CNTNAP3B: variants seen among roughly 807,000 people sequenced by gnomAD.
CNTNAP3B encodes the protein contactin-associated protein-like 3B.
A neutral mutation model predicts 108.9 loss-of-function variants in CNTNAP3B; 25 were observed. That is an observed-to-expected ratio of 0.23 (90% CI 0.17 to 0.32). The LOEUF (loss-of-function observed/expected upper bound fraction) is 0.32. Ranked by LOEUF, CNTNAP3B falls within the 10% of genes least tolerant of loss-of-function variation. CNTNAP3B has a pLI of 1.00. For missense variants in CNTNAP3B, 252 were observed against 1,210.4 expected (o/e 0.21, Z 11.75); for synonymous variants, 103 against 473.4 (o/e 0.22, Z 10.16).
At chr9:42,026,459 C>T (rs1404781739) in intron 3 of CNTNAP3B, among the ~76,000 whole-genome samples, 2 of 88,694 alleles carry the variant, frequency 2.3e-5, no homozygotes, top group Admixed American at 1.2e-4. Flanking sequence ...TGGTGGCAGG[C>T]GCCTGCAGTC....
chr9:41,943,711 T>TAGA (rs1824435822), intron 13 of CNTNAP3B, among the ~76,000 whole-genome samples: 1 of 149,948 alleles, frequency 6.7e-6, no homozygotes, highest in Non-Finnish European at 1.5e-5. Flanking sequence ...ATACCAGAAG[T>TAGA]AGAAGGAAGA....
At chr9:41,972,469 G>T (rs1264059907) in intron 9 of CNTNAP3B, among the ~76,000 whole-genome samples, 1 of 134,258 alleles carries the variant, frequency 7.4e-6, no homozygotes, top group Non-Finnish European at 1.6e-5. Context: ...CTCCCTAAAA[G>T]TTCCATAAAA....
intron 2 of CNTNAP3B, among the ~76,000 whole-genome samples, chr9:42,086,801 G>T (rs1160375435): frequency 1.8e-5 from 2 of 109,316 alleles, no homozygotes; most frequent in African/African-American, 7.4e-5. Context: ...GAATTGCTAG[G>T]TTATATGGTA....
chr9:41,921,768 G>A (rs1169599149), intron 17 of CNTNAP3B, among the ~76,000 whole-genome samples: 1 of 151,756 alleles, frequency 6.6e-6, no homozygotes. Context: ...TTATAAACAA[G>A]GAGCCTGTGA....
Position 42,097,898 on chromosome 9 carries a change from C to G in CNTNAP3B, c.196+6731G>C, listed in dbSNP as rs1827942435. 2.2e-5 allele frequency among the ~76,000 whole-genome samples: 3 copies of G among 138,850 alleles called. 1 individual carries two copies. In the South Asian group the frequency reaches 7.0e-4, roughly 32 times the overall value. The allele number at this position is 138,850 out of a possible 152,430, so 91.1% of individuals were successfully genotyped here. A position where few individuals can be genotyped will look rare whatever the true frequency, so the allele number is the denominator to read the frequency against. ...TAGGGAAAGCTTCAAAAGTTGAAGT[C>G]CAATCATGGGACTTTCAAAATAATC... is the stretch of plus-strand genomic sequence containing the variant. On this transcript the variant is annotated intron_variant, in intron 2 of 23. Transcript: ENST00000377561.
rs1236668921 is a variant in CNTNAP3B at position 42,056,324 on chromosome 9, A to AT, written c.390+20544dup. On this transcript the variant is annotated intron_variant, in intron 3 of 23. Coordinates refer to ENST00000377561, the MANE Select transcript of CNTNAP3B (RefSeq NM_001201380.3). The stretch of plus-strand genomic sequence containing the variant: ...AACAAGGTTGAATATTATCTCATGA[A>AT]TTTTATTATTATTATTATTATTATT... Among the ~76,000 whole-genome samples the AT allele has an allele frequency of 0.013, 1,289 of 101,346 alleles. 19 individuals carry two copies. In the East Asian group the frequency reaches 0.15, roughly 12 times the overall value. 66.5% of individuals were successfully genotyped at this position (101,346 alleles called of 152,430 possible).
intron 10 of CNTNAP3B, among the ~76,000 whole-genome samples, chr9:41,967,733 T>C (rs1260725575): frequency 5.2e-5 from 8 of 152,410 alleles, no homozygotes; most frequent in Non-Finnish European, 1.0e-4. Context: ...TATTGCTTTA[T>C]AAAATTCAGG....
intron 14 of CNTNAP3B, among the ~76,000 whole-genome samples, chr9:41,934,112 T>TACACACAC (rs1554739001): frequency 1.6e-5 from 2 of 126,346 alleles, no homozygotes; most frequent in Admixed American, 8.4e-5. Flanking sequence ...TATATATATA[T>TACACACAC]ATATATATAT....
intron 3 of CNTNAP3B, among the ~76,000 whole-genome samples, chr9:42,071,805 G>T (rs546185878): frequency 7.1e-6 from 1 of 140,922 alleles, no homozygotes; most frequent in South Asian, 2.3e-4. Context: ...TGGATTGATC[G>T]TGGAGTGTGA....
rs1194874974 is a variant in CNTNAP3B, at chr9:42,061,325, T to C, written c.390+15544A>G. On this transcript the variant is annotated intron_variant, in intron 3 of 23. Coordinates refer to ENST00000377561, the MANE Select transcript of CNTNAP3B (RefSeq NM_001201380.3). ...TTCTGAATTTTCTTTTTCTTTTTTTTTTTTTTTTTTTTTGAGACAGTCTCG... is the reference window on the plus strand; with the variant it reads ...TTCTGAATTTTCTTTTTCTTTTTTTCTTTTTTTTTTTTTGAGACAGTCTCG... Among the ~76,000 whole-genome samples the C allele has an allele frequency of 8.7e-3, 1,090 of 125,314 alleles. 35 individuals carry two copies. The highest frequency in any genetic ancestry group is 0.027 in the African/African-American group (831 of 31,060). The allele number at this position is 125,314 out of a possible 152,430, so 82.2% of individuals were successfully genotyped here. A position where few individuals can be genotyped will look rare whatever the true frequency, so the allele number is the denominator to read the frequency against.
intron 14 of CNTNAP3B, among the ~76,000 whole-genome samples, chr9:41,935,792 T>G (rs982364359): frequency 1.4e-4 from 21 of 152,392 alleles, no homozygotes; most frequent in East Asian, 5.8e-4. Flanking sequence ...GGGGAGTTAA[T>G]TTTTAAAACC....
In CNTNAP3B at chr9:41,929,364, T is replaced by C; in HGVS notation, c.2318A>G (p.His773Arg). 6.5e-7 allele frequency: 1 copy of C among 1,544,598 alleles called. No individual in the cohort carries two copies. Among genetic ancestry groups the C allele is most frequent in the Non-Finnish European group, 8.8e-7 (1 of 1,139,660 alleles). ...CCCCAGTGTATAATCTGCTTCGGAA[T>C]GTGGTTGGCCTGTGTCTGTCATCAC... ...QIVMTDTGQP[H>R]SEADYTLGPL... The change falls in exon 15 of 24, where the codon CAT becomes CGT. Residue 773 changes from histidine (H) to arginine (R), a missense_variant. Physicochemically the swap from His to Arg is conservative, Grantham distance 29. Transcript: ENST00000377561.
chr9:42,072,977 A>C (rs1827406493), intron 3 of CNTNAP3B, among the ~76,000 whole-genome samples: 1 of 139,882 alleles, frequency 7.1e-6, no homozygotes, highest in Non-Finnish European at 1.5e-5. Context: ...AGAGTAACTA[A>C]AAAATGCAAA....
At chr9:41,940,675 C>A (rs1168740825) in intron 13 of CNTNAP3B, among the ~76,000 whole-genome samples, 1 of 152,232 alleles carries the variant, frequency 6.6e-6, no homozygotes, top group East Asian at 1.9e-4. Context: ...AATAGACGAG[C>A]GTAGCGGCGG....
chr9:42,010,395 G>A (rs1294391760), intron 4 of CNTNAP3B, among the ~76,000 whole-genome samples: 1 of 149,116 alleles, frequency 6.7e-6, no homozygotes, highest in Non-Finnish European at 1.5e-5. Flanking sequence ...TAATTTGGAG[G>A]GAAGAATACA....
intron 18 of CNTNAP3B, among the ~76,000 whole-genome samples, chr9:41,913,501 C>T (rs1392935400): frequency 2.7e-5 from 4 of 149,464 alleles, no homozygotes; most frequent in Admixed American, 6.7e-5. Flanking sequence ...CTTGATTTCA[C>T]TATACTTTGG....
intron 13 of CNTNAP3B, among the ~76,000 whole-genome samples, chr9:41,940,183 C>T (rs1470176812): frequency 3.3e-5 from 5 of 152,402 alleles, no homozygotes; most frequent in African/African-American, 9.6e-5. Flanking sequence ...TGAAAGAGTA[C>T]TGAAAAAATA....
chr9:41,964,767 C>T (rs1221154312), intron 10 of CNTNAP3B, 123 bp from the exon 11 acceptor site: 1 of 1,270,286 alleles, frequency 7.9e-7, no homozygotes. Context: ...GACGTGATTA[C>T]TGGGTCTGCC....
At chr9:42,014,519 G>A (rs1457595914) in intron 3 of CNTNAP3B, among the ~76,000 whole-genome samples, 5 of 118,558 alleles carry the variant, frequency 4.2e-5, no homozygotes, top group African/African-American at 6.6e-5. Flanking sequence ...GGGCCAGCGC[G>A]TTGGCTCACG....
Sources: gnomAD v4.1 joint callset for allele counts (sites outside exome capture counted in the v4.1 genomes callset) on GRCh38, gnomAD v4.1.1 for gene constraint, MANE v1.5 for transcripts, NCBI Gene and HGNC (gene_info 2026-07-23, HGNC 2026-07-21) for gene names.